ZMAT4: variants seen among roughly 807,000 people sequenced by gnomAD.
ZMAT4 encodes the protein zinc finger matrin-type 4, also known as zinc finger matrin-type protein 4.
In ZMAT4, 17 loss-of-function variants were observed where a neutral mutation model predicts 28.7. The ratio of observed to expected loss-of-function variants is 0.59; its 90% confidence interval spans 0.41 to 0.89. ZMAT4 has a LOEUF of 0.89. Ranked by LOEUF, ZMAT4 falls within the 40% of genes least tolerant of loss-of-function variation. ZMAT4 has a pLI of 0.00. For missense variants in ZMAT4, 240 were observed against 283.8 expected (o/e 0.85, Z 1.11); for synonymous variants, 117 against 109.2 (o/e 1.07, Z -0.44).
chr8:40,547,699 G>A (rs1392506261), intron 6 of ZMAT4, among the ~76,000 whole-genome samples: 3 of 152,078 alleles, frequency 2.0e-5, no homozygotes, highest in South Asian at 2.1e-4. Context: ...CACATGCCAC[G>A]GTGGTTTGCT....
At chr8:40,771,900 AG>A (rs1813404022) in intron 2 of ZMAT4, among the ~76,000 whole-genome samples, 2 of 152,224 alleles carry the variant, frequency 1.3e-5, no homozygotes, top group Admixed American at 1.3e-4. Context: ...AAGATTTATT[AG>A]TACCAAAATT....
At chr8:40,879,955 A>G (rs577905238) in intron 1 of ZMAT4, among the ~76,000 whole-genome samples, 1 of 152,262 alleles carries the variant, frequency 6.6e-6, no homozygotes, top group African/African-American at 2.4e-5. Flanking sequence ...ACTGCTGGGG[A>G]GGTTGATTCC....
intron 3 of ZMAT4, among the ~76,000 whole-genome samples, chr8:40,756,624 A>AGTGTGT (rs58686349): frequency 5.2e-4 from 72 of 139,566 alleles, no homozygotes; most frequent in East Asian, 2.9e-3. Flanking sequence ...TATGTTTGTA[A>AGTGTGT]GTGTGTGTGT....
intron 5 of ZMAT4, among the ~76,000 whole-genome samples, chr8:40,592,530 T>C (rs996953037): frequency 2.6e-5 from 4 of 152,236 alleles, no homozygotes; most frequent in South Asian, 2.1e-4. Flanking sequence ...TTAAATAGTA[T>C]ATATGCAAAG....
chr8:40,833,641 C>T (rs564468748), intron 1 of ZMAT4, among the ~76,000 whole-genome samples: 3 of 151,886 alleles, frequency 2.0e-5, no homozygotes, highest in East Asian at 1.9e-4. Context: ...CAGGGGAAGA[C>T]GTCTGACCCC....
At chr8:40,578,668 T>C (rs573066353) in intron 6 of ZMAT4, among the ~76,000 whole-genome samples, 3 of 152,242 alleles carry the variant, frequency 2.0e-5, no homozygotes, top group South Asian at 2.1e-4. Context: ...GCAAATTAGG[T>C]CTAATGGCAG....
At chr8:40,603,628 GTTTGT>G (rs1057087580) in intron 5 of ZMAT4, among the ~76,000 whole-genome samples, 1 of 151,918 alleles carries the variant, frequency 6.6e-6, no homozygotes, top group Admixed American at 6.6e-5. Flanking sequence ...TTGTTTATTT[GTTTGT>G]TTTGTTTTGT....
In ZMAT4 at chr8:40,638,664, C is replaced by T. The variant is rs569320657; in HGVS notation, c.577+36040G>A. Among the ~76,000 whole-genome samples the T allele has an allele frequency of 5.8e-4, 88 of 152,292 alleles. 2 individuals are homozygous for T. The highest frequency in any genetic ancestry group is 2.1e-3 in the African/African-American group (86 of 41,566). On this transcript the variant is annotated intron_variant, in intron 5 of 6. Transcript: ENST00000297737. ...TGCATTCATGAAAGTCAAATTTCAC[C>T]CACTTCTCAATTTTACATCTGTCAG...
At chr8:40,830,124 G>A (rs565945410) in intron 1 of ZMAT4, among the ~76,000 whole-genome samples, 1 of 152,134 alleles carries the variant, frequency 6.6e-6, no homozygotes, top group Non-Finnish European at 1.5e-5. Context: ...ACAGATTGAA[G>A]GAATGAATGC....
chr8:40,570,573 G>A (rs960027159), intron 6 of ZMAT4, among the ~76,000 whole-genome samples: 2 of 151,974 alleles, frequency 1.3e-5, no homozygotes, highest in African/African-American at 2.4e-5. Flanking sequence ...GCTGATGTGC[G>A]CCTGAAGTCC....
At chr8:40,547,740 A>G (rs1803249010) in intron 6 of ZMAT4, among the ~76,000 whole-genome samples, 1 of 152,210 alleles carries the variant, frequency 6.6e-6, no homozygotes, top group Non-Finnish European at 1.5e-5. Context: ...TACATTAGGT[A>G]TTTCTCTTAA....
At chr8:40,553,772 T>A (rs1311294233) in intron 6 of ZMAT4, among the ~76,000 whole-genome samples, 1 of 152,190 alleles carries the variant, frequency 6.6e-6, no homozygotes, top group Non-Finnish European at 1.5e-5. Flanking sequence ...TGATTCCATC[T>A]CTATTACACT....
intron 5 of ZMAT4, among the ~76,000 whole-genome samples, chr8:40,607,367 G>T (rs1043525551): frequency 6.6e-6 from 1 of 151,870 alleles, no homozygotes; most frequent in Non-Finnish European, 1.5e-5. Context: ...TCCTGACCTC[G>T]TGATCTGCCC....
chr8:40,596,720 C>T (rs1390043937), intron 5 of ZMAT4, among the ~76,000 whole-genome samples: 2 of 152,184 alleles, frequency 1.3e-5, no homozygotes, highest in African/African-American at 4.8e-5. Flanking sequence ...CTATTATCTA[C>T]AGATTCATAT....
chr8:40,856,917 G>A (rs1291227592), intron 1 of ZMAT4, among the ~76,000 whole-genome samples: 2 of 152,200 alleles, frequency 1.3e-5, no homozygotes, highest in Non-Finnish European at 2.9e-5. Context: ...GGGGATGGGG[G>A]AGAAGCTGGC....
chr8:40,722,712 CT>C (rs1811153418), intron 3 of ZMAT4, among the ~76,000 whole-genome samples: 1 of 152,178 alleles, frequency 6.6e-6, no homozygotes, highest in African/African-American at 2.4e-5. Context: ...ACCCTCCCTG[CT>C]CACAGTCAGG....
At chr8:40,793,545 G>A (rs568280096) in intron 2 of ZMAT4, among the ~76,000 whole-genome samples, 9 of 152,312 alleles carry the variant, frequency 5.9e-5, no homozygotes, top group South Asian at 2.1e-4. Context: ...CCTTTCAAGC[G>A]TTACAAATTT....
intron 2 of ZMAT4, among the ~76,000 whole-genome samples, chr8:40,801,852 C>A (rs1423336355): frequency 6.6e-6 from 1 of 151,986 alleles, no homozygotes; most frequent in Non-Finnish European, 1.5e-5. Flanking sequence ...CAAATTAAAT[C>A]CAACAATGTA....
intron 5 of ZMAT4, among the ~76,000 whole-genome samples, chr8:40,647,701 G>C (rs1246007430): frequency 6.6e-6 from 1 of 152,136 alleles, no homozygotes; most frequent in Non-Finnish European, 1.5e-5. Context: ...AGAGAGCAGT[G>C]GTTCTCCCAG....
Sources: gnomAD v4.1 joint callset for allele counts (sites outside exome capture counted in the v4.1 genomes callset) on GRCh38, gnomAD v4.1.1 for gene constraint, MANE v1.5 for transcripts, NCBI Gene and HGNC (gene_info 2026-07-23, HGNC 2026-07-21) for gene names.